GRM5: variants seen among roughly 807,000 people sequenced by gnomAD.
GRM5 encodes glutamate metabotropic receptor 5.
Under a neutral mutation model 83.1 loss-of-function variants are expected in GRM5, and 19 were observed. The observed-to-expected ratio is 0.23, with a 90% CI of 0.16 to 0.34. The LOEUF is 0.34. Ranked by LOEUF, GRM5 falls within the 10% of genes least tolerant of loss-of-function variation. The probability of loss-of-function intolerance (pLI) is 1.00; values close to 1 mark genes in which losing one functional copy is unlikely to be tolerated. For missense variants in GRM5, 1,160 were observed against 1,588.3 expected, an observed-to-expected ratio of 0.73 and a Z score of 4.58; for synonymous variants, 675 against 633.6, an observed-to-expected ratio of 1.07 and a Z score of -0.98.
intron 2 of GRM5, among the ~76,000 whole-genome samples, chr11:89,019,249 C>A (rs1158357819): frequency 1.3e-5 from 2 of 152,212 alleles, no homozygotes; most frequent in South Asian, 2.1e-4. Flanking sequence ...GAAGAAAGTG[C>A]CATTCTTATT....
intron 2 of GRM5, among the ~76,000 whole-genome samples, chr11:89,041,433 C>T (rs1007000094): frequency 4.6e-5 from 7 of 152,082 alleles, no homozygotes; most frequent in African/African-American, 1.7e-4. Flanking sequence ...GGAAGCTATC[C>T]CAGGCATTAG....
At chr11:88,641,959 C>A (rs1051617856) in intron 4 of GRM5, among the ~76,000 whole-genome samples, 1 of 152,166 alleles carries the variant, frequency 6.6e-6, no homozygotes, top group Non-Finnish European at 1.5e-5. Context: ...AGGCAGTTCC[C>A]TGGTGGGGAC....
At chr11:88,940,457 C>T (rs529683566) in intron 2 of GRM5, among the ~76,000 whole-genome samples, 81 of 149,140 alleles carry the variant, frequency 5.4e-4, no homozygotes, top group African/African-American at 1.9e-3. Context: ...TGGGAGAAAG[C>T]GCTCCCATTA....
intron 4 of GRM5, among the ~76,000 whole-genome samples, chr11:88,652,068 C>T (rs1028489705): frequency 5.3e-5 from 8 of 152,002 alleles, no homozygotes; most frequent in African/African-American, 1.9e-4. Flanking sequence ...CCCACTGCCC[C>T]ACTGAATTCT....
intron 2 of GRM5, among the ~76,000 whole-genome samples, chr11:88,999,145 ACCT>A (rs1456353100): frequency 6.6e-6 from 1 of 152,182 alleles, no homozygotes; most frequent in Non-Finnish European, 1.5e-5. Flanking sequence ...CTAGAAGAAA[ACCT>A]AGGCAATATC....
intron 2 of GRM5, among the ~76,000 whole-genome samples, chr11:88,975,977 A>G (rs1021056367): frequency 5.9e-5 from 9 of 152,204 alleles, no homozygotes; most frequent in Non-Finnish European, 8.8e-5. Context: ...ACAGAGAGCT[A>G]TGGTCTCACG....
intron 2 of GRM5, among the ~76,000 whole-genome samples, chr11:88,941,029 G>A (rs1938071302): frequency 1.3e-5 from 2 of 151,670 alleles, no homozygotes; most frequent in Non-Finnish European, 1.5e-5. Context: ...ACAACCAAGA[G>A]GCAATAAACA....
intron 2 of GRM5, among the ~76,000 whole-genome samples, chr11:89,028,072 A>G (rs1941171538): frequency 1.3e-5 from 2 of 152,170 alleles, no homozygotes; most frequent in South Asian, 2.1e-4. Flanking sequence ...AGAATCATCA[A>G]ATCTGCCAGC....
chr11:89,016,648 A>C (rs1252884301), intron 2 of GRM5, among the ~76,000 whole-genome samples: 3 of 152,144 alleles, frequency 2.0e-5, no homozygotes, highest in Admixed American at 6.6e-5. Flanking sequence ...CTTATTGTCA[A>C]TTAGCAAGTA....
At chr11:88,548,037 G>C (rs1354799793) in intron 8 of GRM5, among the ~76,000 whole-genome samples, 1 of 152,194 alleles carries the variant, frequency 6.6e-6, no homozygotes, top group African/African-American at 2.4e-5. Context: ...CCAAAAATGT[G>C]TGTCCAGGTG....
chr11:88,880,044 A>G (rs552358004), intron 2 of GRM5, among the ~76,000 whole-genome samples: 2 of 152,218 alleles, frequency 1.3e-5, no homozygotes, highest in East Asian at 3.9e-4. Flanking sequence ...TGAGATTTCA[A>G]TATGAAAGAC....
At chr11:88,749,356 ATCTT>A (rs1942215619) in intron 3 of GRM5, among the ~76,000 whole-genome samples, 1 of 152,338 alleles carries the variant, frequency 6.6e-6, no homozygotes, top group African/African-American at 2.4e-5. Context: ...CTTGAAAACT[ATCTT>A]TCTGAAATTT....
At chr11:89,061,916 G>T (rs1319130808) in intron 1 of GRM5, among the ~76,000 whole-genome samples, 1 of 152,162 alleles carries the variant, frequency 6.6e-6, no homozygotes, top group Non-Finnish European at 1.5e-5. Context: ...TGTATATTTT[G>T]TCATGTGGAG....
chr11:89,008,287 C>T (rs1940586867), intron 2 of GRM5, among the ~76,000 whole-genome samples: 2 of 152,036 alleles, frequency 1.3e-5, no homozygotes, highest in South Asian at 4.1e-4. Context: ...AAATAAAAGA[C>T]ATGGTTAGCT....
chr11:88,593,847 G>A (rs1368136215), intron 6 of GRM5, among the ~76,000 whole-genome samples: 2 of 149,818 alleles, frequency 1.3e-5, no homozygotes, highest in African/African-American at 2.5e-5. Flanking sequence ...AGGCTGGAGT[G>A]CAGTGGCGCC....
At chr11:88,524,539 C>A (rs1040359803) in intron 9 of GRM5, among the ~76,000 whole-genome samples, 1 of 152,192 alleles carries the variant, frequency 6.6e-6, no homozygotes, top group Non-Finnish European at 1.5e-5. Flanking sequence ...TTCTTAAAAC[C>A]AAATCCCATG....
rs1939675259 is a variant in GRM5 at position 88,653,106 on chromosome 11, T to A, written c.1147+62A>T. The A allele has an allele frequency of 5.0e-6, 5 of 1,002,082 alleles. No individual in the cohort carries two copies. In the Admixed American group the frequency reaches 9.2e-5, roughly 18 times the overall value. The allele number at this position is 1,002,082 out of a possible 1,614,324, so 62.1% of individuals were successfully genotyped here. A position where few individuals can be genotyped will look rare whatever the true frequency, so the allele number is the denominator to read the frequency against. On this transcript the variant is annotated intron_variant, in intron 4 of 9. Coordinates refer to ENST00000305447, the MANE Select transcript of GRM5 (RefSeq NM_001143831.3). ...TATTACAGCCACTATCCCCATGACA[T>A]GGTTTACTTAAATTGGAACCTTAGC...
At chr11:88,907,909 A>AT (rs971066198) in intron 2 of GRM5, among the ~76,000 whole-genome samples, 2 of 152,262 alleles carry the variant, frequency 1.3e-5, no homozygotes, top group Non-Finnish European at 1.5e-5. Context: ...TTTAAAAACA[A>AT]TTTTTTCTGT....
chr11:88,631,165 C>A (rs924582032), intron 4 of GRM5, among the ~76,000 whole-genome samples: 3 of 152,126 alleles, frequency 2.0e-5, no homozygotes, highest in African/African-American at 4.8e-5. Flanking sequence ...ATCTGACACT[C>A]AGCCATAAAA....
Sources: allele counts gnomAD v4.1 joint callset (sites outside exome capture counted in the v4.1 genomes callset), GRCh38; gene constraint gnomAD v4.1.1; transcripts MANE v1.5; gene names NCBI Gene and HGNC (gene_info 2026-07-23, HGNC 2026-07-21).